The following MVB12B variants were observed in gnomAD, a reference collection of about 807,000 sequenced individuals.
MVB12B encodes ESCRT-I complex subunit MVB12B.
In MVB12B, 16 loss-of-function variants were observed where a neutral mutation model predicts 41.6. That is an observed-to-expected ratio of 0.38 (90% CI 0.26 to 0.58). MVB12B has a LOEUF of 0.58. Ranked by LOEUF, MVB12B falls within the 20% of genes least tolerant of loss-of-function variation. MVB12B has a pLI of 0.62. For synonymous variants in MVB12B, 133 were observed against 139.7 expected, an observed-to-expected ratio of 0.95 and a Z score of 0.34; for missense variants, 274 against 380.2, an observed-to-expected ratio of 0.72 and a Z score of 2.32.
chr9:126,330,436 A>G (rs1829098793), intron 1 of MVB12B, among the ~76,000 whole-genome samples: 1 of 152,182 alleles, frequency 6.6e-6, no homozygotes, highest in Admixed American at 6.5e-5. Context: ...TGCACTAAAT[A>G]TGCCTGTGGT....
Position 126,503,515 on chromosome 9 carries a change from A to T in MVB12B, c.*252A>T. Reference sequence around the variant, plus strand: ...TGTGCTGTAGTGACCAGCGGCTCCTAACGTGTCTGTGTGATGACCAGTTGT... The same window carrying T: ...TGTGCTGTAGTGACCAGCGGCTCCTTACGTGTCTGTGTGATGACCAGTTGT... On this transcript the variant is annotated 3_prime_UTR_variant, in exon 10 of 10. Transcript: ENST00000361171. 2 of 543,508 alleles carry T rather than the reference A, an allele frequency of 3.7e-6. No individual in the cohort carries two copies. The highest frequency in any genetic ancestry group is 3.1e-5 in the East Asian group (1 of 32,236). 33.7% of individuals were successfully genotyped at this position (543,508 alleles called of 1,614,324 possible).
In MVB12B at chr9:126,459,220, C is replaced by CA. The variant is rs1260268661; in HGVS notation, c.758-22148dup. Reference sequence around the variant, plus strand: ...ATTTCTTGATGCCTTGTCGTAAACTCAGAGTGTCACGAGCCTGGCCTGCTG... The same window carrying CA: ...ATTTCTTGATGCCTTGTCGTAAACTCAAGAGTGTCACGAGCCTGGCCTGCTG... On this transcript the variant is annotated intron_variant, in intron 7 of 9. Coordinates refer to ENST00000361171, the MANE Select transcript of MVB12B (RefSeq NM_033446.3). The surrounding 1 kb of genome is among the most constrained non-coding windows in gnomAD (Gnocchi z 4.3). 6.6e-6 allele frequency among the ~76,000 whole-genome samples: 1 copy of CA among 152,228 alleles called. No individual in the cohort carries two copies. The highest frequency in any genetic ancestry group is 2.4e-5 in the African/African-American group (1 of 41,456).
chr9:126,499,757 T>A (rs970680772), intron 9 of MVB12B, among the ~76,000 whole-genome samples: 9 of 141,448 alleles, frequency 6.4e-5, no homozygotes, highest in Non-Finnish European at 9.7e-5. Flanking sequence ...CAAGATAACC[T>A]AAAAAGGGAA....
chr9:126,382,108 A>AG (rs1448611206), intron 3 of MVB12B, among the ~76,000 whole-genome samples: 1 of 150,138 alleles, frequency 6.7e-6, no homozygotes, highest in African/African-American at 2.4e-5. Flanking sequence ...AGTTAAAAAA[A>AG]AAAAACTGAA....
chr9:126,499,217 C>T (rs1356448732), intron 9 of MVB12B, among the ~76,000 whole-genome samples: 1 of 152,130 alleles, frequency 6.6e-6, no homozygotes, highest in Non-Finnish European at 1.5e-5. Flanking sequence ...TGGCCTGAGA[C>T]GCCTGCTTCC....
intron 2 of MVB12B, among the ~76,000 whole-genome samples, chr9:126,358,481 T>C (rs937864477): frequency 6.6e-6 from 1 of 152,222 alleles, no homozygotes; most frequent in Non-Finnish European, 1.5e-5. Context: ...TCCTCTTTAA[T>C]TTCTCTCAGC....
In MVB12B at chr9:126,409,115, TG is replaced by T. The variant is rs71493516; in HGVS notation, c.663-12730del. Among the ~76,000 whole-genome samples, 707 of 142,812 alleles carry T rather than the reference TG, an allele frequency of 5.0e-3. 2 individuals are homozygous for T. Among genetic ancestry groups the T allele is most frequent in the African/African-American group, 0.02 (660 of 33,224 alleles). 93.7% of individuals were successfully genotyped at this position (142,812 alleles called of 152,430 possible). Reference sequence around the variant, plus strand: ...CACAACGGCATCGTGACTTCCATTGTGGGGGGGGGCTCAGTAATGCATTTTG... The same window carrying T: ...CACAACGGCATCGTGACTTCCATTGTGGGGGGGGCTCAGTAATGCATTTTG... On this transcript the variant is annotated intron_variant, in intron 6 of 9. Transcript: ENST00000361171.
At chr9:126,446,933 ACTTTCTTTTTTTTTTTTTTTTTTTC>A (rs1237357278) in intron 7 of MVB12B, among the ~76,000 whole-genome samples, 1 of 113,210 alleles carries the variant, frequency 8.8e-6, no homozygotes, top group African/African-American at 3.2e-5. Flanking sequence ...CTTTTTTTTA[ACTTTCTTTTTTTTTTTTTTTTTTTC>A]CTTTGAGACA....
At chr9:126,348,704 A>T (rs1829665327) in intron 2 of MVB12B, among the ~76,000 whole-genome samples, 1 of 152,140 alleles carries the variant, frequency 6.6e-6, no homozygotes, top group Admixed American at 6.5e-5. Context: ...AAAAAAGACG[A>T]GGCGCTTGCT....
rs573791350 is a variant in MVB12B, at chr9:126,487,354, G to A, written c.873+3322G>A. ...TTGTCCACAGAGAAGGGCGTGAGTC[G>A]GCACAGGCCCACCCATTCCACTGTC... On this transcript the variant is annotated intron_variant, in intron 9 of 9. Transcript: ENST00000361171. 5.3e-5 allele frequency among the ~76,000 whole-genome samples: 8 copies of A among 152,234 alleles called. No homozygotes were observed. In the South Asian group the frequency reaches 8.3e-4, roughly 16 times the overall value.
At chr9:126,426,267 C>A (rs1832172934) in intron 7 of MVB12B, among the ~76,000 whole-genome samples, 1 of 152,238 alleles carries the variant, frequency 6.6e-6, no homozygotes, top group Non-Finnish European at 1.5e-5. Flanking sequence ...CTTACTCTTT[C>A]TAGCTGTAAA....
intron 7 of MVB12B, among the ~76,000 whole-genome samples, chr9:126,448,981 C>G (rs139030631): frequency 3.9e-5 from 6 of 152,224 alleles, no homozygotes; most frequent in Non-Finnish European, 8.8e-5. Context: ...GGGGCCCACA[C>G]CAGAGCGCTA....
intron 2 of MVB12B, among the ~76,000 whole-genome samples, chr9:126,379,890 T>C (rs1009860): frequency 1 from 151,620 of 152,280 alleles, 75,487 homozygotes; most frequent in Middle Eastern, 1. Context: ...AGTCAGTGTG[T>C]GGGATGGGGC....
At chr9:126,336,354 T>C (rs1376596863) in intron 1 of MVB12B, among the ~76,000 whole-genome samples, 1 of 152,244 alleles carries the variant, frequency 6.6e-6, no homozygotes, top group Non-Finnish European at 1.5e-5. Flanking sequence ...ACACCTTTGA[T>C]TCCGAAACAA....
intron 9 of MVB12B, among the ~76,000 whole-genome samples, chr9:126,491,182 G>A (rs2417022): frequency 0.88 from 133,485 of 152,290 alleles, 58,738 homozygotes; most frequent in East Asian, 0.91. Flanking sequence ...AGCATGAGGT[G>A]AAAAGGATTT....
intron 7 of MVB12B, among the ~76,000 whole-genome samples, chr9:126,424,084 T>C (rs1199579558): frequency 6.6e-6 from 1 of 152,250 alleles, no homozygotes; most frequent in African/African-American, 2.4e-5. Flanking sequence ...TGGCGGGCTC[T>C]GTGTCCCTCC....
chr9:126,396,206 A>G, intron 6 of MVB12B: 1 of 986,828 alleles, frequency 1.0e-6, no homozygotes. Flanking sequence ...TGCTAGTTTT[A>G]ACAATTGTCT....
At chr9:126,422,075 C>T in intron 7 of MVB12B, 127 bp downstream of exon 7, 2 of 698,846 alleles carry the variant, frequency 2.9e-6, no homozygotes, top group Non-Finnish European at 5.0e-6. Context: ...TGCAGGGGAC[C>T]TGTTCCCTGC....
intron 2 of MVB12B, among the ~76,000 whole-genome samples, chr9:126,364,463 C>G (rs1010246134): frequency 6.6e-6 from 1 of 152,188 alleles, no homozygotes; most frequent in Non-Finnish European, 1.5e-5. Flanking sequence ...GGAGGCTGCA[C>G]TCCCCACTCC....
Sources: gnomAD v4.1 joint callset for allele counts (sites outside exome capture counted in the v4.1 genomes callset) on GRCh38, gnomAD v4.1.1 for gene constraint, Gnocchi (gnomAD v3.1) non-coding constraint, MANE v1.5 for transcripts, NCBI Gene and HGNC (gene_info 2026-07-23, HGNC 2026-07-21) for gene names.